CNTNAP2: variants seen among roughly 807,000 people sequenced by gnomAD.
The protein encoded by CNTNAP2 is contactin-associated protein-like 2.
Under a neutral mutation model 155.2 loss-of-function variants are expected in CNTNAP2, and 98 were observed. The observed-to-expected ratio is 0.63, with a 90% CI of 0.54 to 0.75. The LOEUF is 0.75. Ranked by LOEUF, CNTNAP2 falls within the 30% of genes least tolerant of loss-of-function variation. The probability of loss-of-function intolerance (pLI) is 0.00; values close to 1 mark genes in which losing one functional copy is unlikely to be tolerated. For missense variants in CNTNAP2, 1,727 were observed against 1,688.1 expected (o/e 1.02, Z -0.40); for synonymous variants, 651 against 631.2 (o/e 1.03, Z -0.47).
intron 1 of CNTNAP2, among the ~76,000 whole-genome samples, chr7:146,333,808 G>A (rs1392225315): frequency 6.6e-6 from 1 of 152,104 alleles, no homozygotes; most frequent in Non-Finnish European, 1.5e-5. Context: ...AATGTCTATG[G>A]AATCCTCATC....
At chr7:148,039,192 G>A (rs1381773529) in intron 15 of CNTNAP2, among the ~76,000 whole-genome samples, 2 of 152,202 alleles carry the variant, frequency 1.3e-5, no homozygotes, top group Non-Finnish European at 2.9e-5. Flanking sequence ...TTAGTCTGAG[G>A]CTGAAGGCCT....
At chr7:147,318,562 G>A (rs905457578) in intron 9 of CNTNAP2, among the ~76,000 whole-genome samples, 2 of 152,110 alleles carry the variant, frequency 1.3e-5, no homozygotes, top group Non-Finnish European at 2.9e-5. Context: ...GGAAAACACA[G>A]GAACAGAAAA....
At chr7:147,274,787 G>GT (rs1174445652) in intron 8 of CNTNAP2, among the ~76,000 whole-genome samples, 1 of 151,722 alleles carries the variant, frequency 6.6e-6, no homozygotes, top group Non-Finnish European at 1.5e-5. Flanking sequence ...GATATTTCAT[G>GT]TTTTTTTAAT....
chr7:147,649,342 A>G (rs559038957), intron 13 of CNTNAP2, among the ~76,000 whole-genome samples: 4 of 152,320 alleles, frequency 2.6e-5, no homozygotes, highest in African/African-American at 9.6e-5. Flanking sequence ...CTGAAAAGCC[A>G]TGTTCAAATA....
At position 147,943,409 on chromosome 7, in the gene CNTNAP2, GTGT is replaced by G. The variant is rs549783892; in HGVS notation, c.2256-34448_2256-34446del. On this transcript the variant is annotated intron_variant, in intron 14 of 23. Coordinates refer to ENST00000361727, the MANE Select transcript of CNTNAP2 (RefSeq NM_014141.6). ...TCACTTAATCCTATTGTATTATGTG[GTGT>G]TGTTTTTATTATTCTAATCTATTTA... Among the ~76,000 whole-genome samples, 409 of 152,146 alleles carry G rather than the reference GTGT, an allele frequency of 2.7e-3. 3 individuals carry two copies. Among genetic ancestry groups the G allele is most frequent in the African/African-American group, 9.1e-3 (377 of 41,502 alleles).
intron 8 of CNTNAP2, among the ~76,000 whole-genome samples, chr7:147,173,420 G>A (rs142843962): frequency 2.0e-5 from 3 of 152,120 alleles, no homozygotes; most frequent in African/African-American, 7.2e-5. Flanking sequence ...CTTATAATGA[G>A]ATCCAGAACT....
At chr7:148,279,286 T>C (rs1421429459) in intron 21 of CNTNAP2, among the ~76,000 whole-genome samples, 1 of 152,134 alleles carries the variant, frequency 6.6e-6, no homozygotes, top group African/African-American at 2.4e-5. Flanking sequence ...GGAGTCCATG[T>C]GAGAGTTAGA....
intron 3 of CNTNAP2, among the ~76,000 whole-genome samples, chr7:146,975,853 G>A (rs1398290019): frequency 6.6e-6 from 1 of 152,154 alleles, no homozygotes; most frequent in African/African-American, 2.4e-5. Context: ...AAGACATATG[G>A]TAACTAGCAG....
intron 1 of CNTNAP2, among the ~76,000 whole-genome samples, chr7:146,276,078 C>G (rs140880149): frequency 1.3e-5 from 2 of 152,146 alleles, no homozygotes; most frequent in Non-Finnish European, 2.9e-5. Context: ...ACATGCTAAC[C>G]ACATTCCTAG....
At chr7:147,796,755 T>C (rs1797902518) in intron 13 of CNTNAP2, among the ~76,000 whole-genome samples, 3 of 152,134 alleles carry the variant, frequency 2.0e-5, no homozygotes, top group Non-Finnish European at 2.9e-5. Flanking sequence ...AGGGGATTCA[T>C]GGGGTGACTG....
At chr7:147,339,301 C>A (rs1004184912) in intron 9 of CNTNAP2, among the ~76,000 whole-genome samples, 13 of 152,124 alleles carry the variant, frequency 8.5e-5, no homozygotes, top group Admixed American at 2.0e-4. Context: ...ATGACTAGGT[C>A]ACCCTCCTGT....
intron 4 of CNTNAP2, among the ~76,000 whole-genome samples, chr7:147,083,451 T>G (rs1410240678): frequency 6.6e-6 from 1 of 150,878 alleles, no homozygotes; most frequent in Admixed American, 6.7e-5. Flanking sequence ...GTACATTAAA[T>G]TTAAAATTGT....
At chr7:146,862,484 C>CA (rs1179708812) in intron 3 of CNTNAP2, among the ~76,000 whole-genome samples, 8 of 151,534 alleles carry the variant, frequency 5.3e-5, no homozygotes, top group Admixed American at 1.3e-4. Context: ...CATCTGGGCA[C>CA]AAAAAAACAA....
intron 15 of CNTNAP2, among the ~76,000 whole-genome samples, chr7:148,040,032 C>A (rs546832446): frequency 6.6e-6 from 1 of 152,286 alleles, no homozygotes; most frequent in Admixed American, 6.5e-5. Context: ...ACCACAGAGC[C>A]AACCTTATAT....
intron 16 of CNTNAP2, among the ~76,000 whole-genome samples, chr7:148,137,044 A>G (rs917965686): frequency 2.0e-5 from 3 of 152,158 alleles, no homozygotes; most frequent in Non-Finnish European, 4.4e-5. Context: ...ACCATAAGGG[A>G]TGCTGTGAAG....
intron 9 of CNTNAP2, among the ~76,000 whole-genome samples, chr7:147,349,434 T>A (rs1267460266): frequency 2.0e-5 from 3 of 151,932 alleles, no homozygotes; most frequent in African/African-American, 7.2e-5. Context: ...TTTTTCCTTG[T>A]GAATTTTTAA....
chr7:147,743,614 C>T (rs1219618831), intron 13 of CNTNAP2, among the ~76,000 whole-genome samples: 5 of 152,078 alleles, frequency 3.3e-5, no homozygotes, highest in South Asian at 4.1e-4. Flanking sequence ...TGCTTTATTC[C>T]GGTTGCCTTG....
intron 16 of CNTNAP2, among the ~76,000 whole-genome samples, chr7:148,124,354 C>T (rs184658023): frequency 6.6e-6 from 1 of 152,298 alleles, no homozygotes; most frequent in East Asian, 1.9e-4. Context: ...AAAACCCAGA[C>T]TCTAAACTTT....
chr7:147,268,066 C>A (rs1804656583), intron 8 of CNTNAP2, among the ~76,000 whole-genome samples: 1 of 152,116 alleles, frequency 6.6e-6, no homozygotes, highest in Non-Finnish European at 1.5e-5. Flanking sequence ...TTTGTGCTGA[C>A]CCATTCACCT....
Sources: gnomAD v4.1 joint callset for allele counts (sites outside exome capture counted in the v4.1 genomes callset) on GRCh38, gnomAD v4.1.1 for gene constraint, MANE v1.5 for transcripts, NCBI Gene and HGNC (gene_info 2026-07-23, HGNC 2026-07-21) for gene names.